The following NSUN7 variants were observed in gnomAD, a reference collection of about 807,000 sequenced individuals.
NSUN7 encodes NOP2/Sun RNA methyltransferase family member 7.
In NSUN7, 39 loss-of-function variants were observed where a neutral mutation model predicts 58.5. The ratio of observed to expected loss-of-function variants is 0.67; its 90% confidence interval spans 0.52 to 0.87. The LOEUF is 0.87. Ranked by LOEUF, NSUN7 falls within the 40% of genes least tolerant of loss-of-function variation. The probability of loss-of-function intolerance (pLI) is 0.00; values close to 1 mark genes in which losing one functional copy is unlikely to be tolerated. For synonymous variants in NSUN7, 278 were observed against 303.7 expected (o/e 0.92, Z 0.88); for missense variants, 765 against 844.1 (o/e 0.91, Z 1.16).
intron 2 of NSUN7, among the ~76,000 whole-genome samples, chr4:40,757,535 TTATATA>T: frequency 6.9e-6 from 1 of 144,304 alleles, no homozygotes; most frequent in South Asian, 2.2e-4. Context: ...AAAGGTAAAA[TTATATA>T]TATATATATA....
intron 9 of NSUN7, among the ~76,000 whole-genome samples, chr4:40,797,445 T>G (rs962799987): frequency 6.6e-6 from 1 of 152,162 alleles, no homozygotes; most frequent in African/African-American, 2.4e-5. Flanking sequence ...AGCTCTGATC[T>G]TCCTCCCGCC....
intron 9 of NSUN7, among the ~76,000 whole-genome samples, chr4:40,797,499 T>A (rs1577581936): frequency 6.6e-6 from 1 of 152,344 alleles, no homozygotes. Flanking sequence ...TTAATGATAG[T>A]TGTAGCCTTC....
At chr4:40,808,232 A>C (rs1743931402) in intron 11 of NSUN7, 75 bp from the exon 12 acceptor site, 5 of 1,466,176 alleles carry the variant, frequency 3.4e-6, no homozygotes, top group Admixed American at 2.3e-5. Context: ...ATTTTTACTG[A>C]TACATTGATA....
intron 10 of NSUN7, 73 bp from the exon 11 acceptor site, chr4:40,806,988 T>C (rs1743831488): frequency 2.7e-6 from 4 of 1,459,594 alleles, no homozygotes; most frequent in Middle Eastern, 1.7e-4. Flanking sequence ...AAAAATGTAG[T>C]GTAATTTACT....
intron 2 of NSUN7, among the ~76,000 whole-genome samples, chr4:40,751,314 G>T (rs189815637): frequency 6.6e-6 from 1 of 152,002 alleles, no homozygotes; most frequent in East Asian, 1.9e-4. Context: ...TAGACTTAGG[G>T]GTCTCGCTTT....
chr4:40,757,324 C>T (rs1240349914), intron 2 of NSUN7, among the ~76,000 whole-genome samples: 2 of 152,004 alleles, frequency 1.3e-5, no homozygotes, highest in Non-Finnish European at 2.9e-5. Flanking sequence ...TTTTGCCCAA[C>T]TACAGGCTTA....
chr4:40,771,528 C>T (rs1029442918), intron 4 of NSUN7, among the ~76,000 whole-genome samples: 1 of 151,980 alleles, frequency 6.6e-6, no homozygotes, highest in Non-Finnish European at 1.5e-5. Flanking sequence ...TGTGACATGG[C>T]ATACCATAGG....
At chr4:40,766,594 C>T (rs1314736507) in intron 4 of NSUN7, among the ~76,000 whole-genome samples, 1 of 152,190 alleles carries the variant, frequency 6.6e-6, no homozygotes, top group Non-Finnish European at 1.5e-5. Context: ...ATGCTGGCCT[C>T]ATAAAATGAG....
chr4:40,780,282 A>AATTCAATC (rs202047306), intron 7 of NSUN7, among the ~76,000 whole-genome samples: 1 of 150,308 alleles, frequency 6.7e-6, no homozygotes, highest in South Asian at 2.1e-4. Flanking sequence ...TCCGTCTCAT[A>AATTCAATC]AATCAATCAA....
rs768290847 is a variant in NSUN7 at position 40,776,254 on chromosome 4, G to T, written c.1031G>T (p.Cys344Phe). Residue 344 changes from cysteine to phenylalanine, a missense_variant, in exon 7 of 12, where the codon TGT (cysteine) becomes TTT (phenylalanine). Physicochemically the swap from Cys to Phe is radical, Grantham distance 205. Transcript: ENST00000381782. Reference protein sequence around the residue: ...DLKTLFTKIGCKNIEILHEKF... With the variant: ...DLKTLFTKIGFKNIEILHEKF... ...AAGACCCTTTTCACAAAAATAGGAT[G>T]TAAAAGTATGTAAAAATATTTCTTC... The T allele has an allele frequency of 1.9e-6, 3 of 1,561,032 alleles. No individual in the cohort carries two copies. Among genetic ancestry groups the T allele is most frequent in the Non-Finnish European group, 2.6e-6 (3 of 1,151,430 alleles).
At chr4:40,765,533 CT>C (rs1309169165) in intron 4 of NSUN7, among the ~76,000 whole-genome samples, 1 of 151,526 alleles carries the variant, frequency 6.6e-6, no homozygotes, top group Non-Finnish European at 1.5e-5. Flanking sequence ...CAGCTTTGTT[CT>C]TTTGGCTTAG....
intron 8 of NSUN7, among the ~76,000 whole-genome samples, chr4:40,793,500 G>A (rs1281783095): frequency 6.6e-6 from 1 of 152,112 alleles, no homozygotes; most frequent in Non-Finnish European, 1.5e-5. Context: ...CTCATGAAAT[G>A]TAAAACTAAA....
intron 7 of NSUN7, 159 bp downstream of exon 7, chr4:40,776,418 G>T (rs1348487344): frequency 2.0e-6 from 1 of 505,434 alleles, no homozygotes; most frequent in Non-Finnish European, 3.4e-6. Context: ...GGCTGTCCTT[G>T]TTGCTTAATT....
chr4:40,759,524 T>C (rs191157264), intron 2 of NSUN7, among the ~76,000 whole-genome samples: 9 of 152,316 alleles, frequency 5.9e-5, no homozygotes, highest in Non-Finnish European at 1.2e-4. Context: ...ATTTGGGTCT[T>C]AGATTAAATG....
chr4:40,755,743 G>T (rs1288165138), intron 2 of NSUN7, among the ~76,000 whole-genome samples: 2 of 152,206 alleles, frequency 1.3e-5, no homozygotes, highest in African/African-American at 2.4e-5. Flanking sequence ...CAGCAAAGCT[G>T]TTATACTCAT....
chr4:40,771,797 T>C (rs1010171859), intron 4 of NSUN7, among the ~76,000 whole-genome samples: 23 of 150,302 alleles, frequency 1.5e-4, no homozygotes, highest in Admixed American at 1.2e-3. Context: ...ACTGTGTGTG[T>C]AACTGGGATG....
intron 9 of NSUN7, among the ~76,000 whole-genome samples, chr4:40,794,691 G>C (rs1012084597): frequency 6.6e-6 from 1 of 152,148 alleles, no homozygotes; most frequent in Non-Finnish European, 1.5e-5. Flanking sequence ...AAACAGGTTA[G>C]CAAGCATAAT....
chr4:40,779,626 A>T (rs1019449331), intron 7 of NSUN7, among the ~76,000 whole-genome samples: 9 of 152,300 alleles, frequency 5.9e-5, no homozygotes, highest in Middle Eastern at 3.4e-3. Flanking sequence ...GTCTCTAAAA[A>T]AGTGGAGATG....
chr4:40,752,289 C>CCTTAGTTAATT (rs879392582), intron 2 of NSUN7, among the ~76,000 whole-genome samples: 1 of 152,198 alleles, frequency 6.6e-6, no homozygotes, highest in Non-Finnish European at 1.5e-5. Flanking sequence ...GTTAATTACT[C>CCTTAGTTAATT]AGTTCAGCCA....
Sources: allele counts gnomAD v4.1 joint callset (sites outside exome capture counted in the v4.1 genomes callset), GRCh38; gene constraint gnomAD v4.1.1; transcripts MANE v1.5; gene names NCBI Gene and HGNC (gene_info 2026-07-23, HGNC 2026-07-21).